ZNF578: variants seen among roughly 807,000 people sequenced by gnomAD.
ZNF578 encodes the protein Putative chemokine-related protein B42.
In ZNF578, 8 loss-of-function variants were observed where a neutral mutation model predicts 8.3. That is an observed-to-expected ratio of 0.96 (90% CI 0.56 to 1.74). The LOEUF (loss-of-function observed/expected upper bound fraction) is 1.74. Ranked by LOEUF, ZNF578 falls within the 40% of genes most tolerant of loss-of-function variation. The pLI, the probability that ZNF578 is intolerant of heterozygous loss-of-function variation, is 0.00. For synonymous variants in ZNF578, 206 were observed against 232.2 expected, an observed-to-expected ratio of 0.89 and a Z score of 1.03; for missense variants, 726 against 707.5, an observed-to-expected ratio of 1.03 and a Z score of -0.30.
chr19:52,512,911 G>T lies in ZNF578; in HGVS notation c.*757G>T, dbSNP rs2059455066. On this transcript the variant is annotated 3_prime_UTR_variant, in exon 6 of 6. Coordinates refer to ENST00000421239, the MANE Select transcript of ZNF578 (RefSeq NM_001099694.2). ...ATAAGAGGATTGGGCCAGGTGCAGTGGATCACGCCTGTAATCCCAGCACAT... is the reference window on the plus strand; with the variant it reads ...ATAAGAGGATTGGGCCAGGTGCAGTTGATCACGCCTGTAATCCCAGCACAT... Among the ~76,000 whole-genome samples the T allele has an allele frequency of 6.6e-6, 1 of 152,200 alleles. No homozygotes were observed. Among genetic ancestry groups the T allele is most frequent in the South Asian group, 2.1e-4 (1 of 4,834 alleles).
intron 2 of ZNF578, chr19:52,458,288 C>T (rs2059245463): frequency 6.6e-6 from 1 of 152,162 alleles, no homozygotes; most frequent in Admixed American, 6.6e-5. Context: ...TCTTGTGAAA[C>T]AGATGTTTCA....
intron 5 of ZNF578, among the ~76,000 whole-genome samples, chr19:52,509,727 A>G (rs2059437757): frequency 6.6e-6 from 1 of 152,108 alleles, no homozygotes; most frequent in African/African-American, 2.4e-5. Flanking sequence ...AGATGGCACC[A>G]TGGCACTTCA....
chr19:52,497,596 G>A (rs554096841), intron 3 of ZNF578, among the ~76,000 whole-genome samples: 1 of 152,118 alleles, frequency 6.6e-6, no homozygotes, highest in African/African-American at 2.4e-5. Context: ...TATATTTTTT[G>A]AACATTTTAA....
intron 5 of ZNF578, among the ~76,000 whole-genome samples, chr19:52,505,114 C>A (rs389503): frequency 0.62 from 94,073 of 152,002 alleles, 29,703 homozygotes; most frequent in African/African-American, 0.74. Context: ...CTCTAACTCC[C>A]GACCTCAGGT....
chr19:52,461,620 G>T (rs1199574063), intron 2 of ZNF578, among the ~76,000 whole-genome samples: 2 of 152,086 alleles, frequency 1.3e-5, no homozygotes, highest in Admixed American at 6.5e-5. Flanking sequence ...AATCAATACG[G>T]GTGAAAAGGC....
rs377107128 is a variant in ZNF578 at position 52,503,699 on chromosome 19, C to T, written c.64-956C>T. 7.2e-5 allele frequency among the ~76,000 whole-genome samples: 11 copies of T among 152,044 alleles called. No homozygotes were observed. The East Asian group carries it at 1.7e-3, about 24-fold the overall frequency. ...TTTGAAAGCCATTTGACTTTGTCCT[C>T]TCTGAAACACCACTTGTATCTTAGC... is the stretch of plus-strand genomic sequence containing the variant. On this transcript the variant is annotated intron_variant, in intron 4 of 5. Coordinates refer to ENST00000421239, the MANE Select transcript of ZNF578 (RefSeq NM_001099694.2).
In ZNF578 at chr19:52,511,278, G is replaced by A. The variant is rs559103189; in HGVS notation, c.897G>A (p.Lys299=). The part of the protein sequence containing the change: ...CNECGKSFSY[K]SSLTCHRRCH... ...AATGTGGAAAGTCCTTCAGTTACAA[G>A]TCATCCCTGACATGCCATCGTAGAT... The change falls in exon 6 of 6, where the codon AAG becomes AAA. Residue 299 remains lysine (K), a synonymous_variant. Transcript: ENST00000421239. 1.1e-5 allele frequency: 18 copies of A among 1,614,088 alleles called. No individual in the cohort carries two copies. In the South Asian group the frequency reaches 1.9e-4, roughly 17 times the overall value.
intron 2 of ZNF578, among the ~76,000 whole-genome samples, chr19:52,467,081 G>GCAA (rs2059277582): frequency 6.6e-6 from 1 of 151,460 alleles, no homozygotes; most frequent in South Asian, 2.1e-4. Flanking sequence ...AACAGTTTTG[G>GCAA]CTCACTGCAA....
At chr19:52,478,796 C>A (rs2059315963) in intron 2 of ZNF578, among the ~76,000 whole-genome samples, 1 of 152,156 alleles carries the variant, frequency 6.6e-6, no homozygotes, top group Middle Eastern at 3.4e-3. Context: ...TCACTGCAAC[C>A]TCTGCCTCCC....
chr19:52,467,955 A>G (rs1373986677), intron 2 of ZNF578, among the ~76,000 whole-genome samples: 2 of 152,160 alleles, frequency 1.3e-5, no homozygotes, highest in Admixed American at 6.5e-5. Flanking sequence ...TCATATTTAC[A>G]ATAAACCTAG....
rs555242656 is a variant in ZNF578, at chr19:52,470,135, C to A, written c.-122+13177C>A. ...GGCAACATCTTCTTCCCCACCAAGG[C>A]TGCTTTCAGCCTTTGTACCTTTTTT... On this transcript the variant is annotated intron_variant, in intron 2 of 5. Transcript: ENST00000421239. 1.6e-4 allele frequency among the ~76,000 whole-genome samples: 24 copies of A among 152,310 alleles called. No individual in the cohort carries two copies. In the South Asian group the frequency reaches 3.5e-3, roughly 22 times the overall value.
chr19:52,503,884 G>A (rs2059416169), intron 4 of ZNF578, among the ~76,000 whole-genome samples: 2 of 144,048 alleles, frequency 1.4e-5, no homozygotes, highest in Non-Finnish European at 3.0e-5. Context: ...TGCAACCTCC[G>A]CCTCCCGGAT....
chr19:52,472,149 G>C (rs896718439), intron 2 of ZNF578, among the ~76,000 whole-genome samples: 3 of 152,160 alleles, frequency 2.0e-5, no homozygotes, highest in Non-Finnish European at 4.4e-5. Flanking sequence ...CCAGCACTTT[G>C]GGAGGCTAAG....
chr19:52,486,261 T>TC (rs1354513604), intron 2 of ZNF578, among the ~76,000 whole-genome samples: 11 of 152,086 alleles, frequency 7.2e-5, no homozygotes, highest in Non-Finnish European at 1.3e-4. Context: ...CTGCTGACCC[T>TC]TCCCCACTAT....
chr19:52,493,591 C>G (rs1487179150), intron 3 of ZNF578, among the ~76,000 whole-genome samples: 1 of 151,800 alleles, frequency 6.6e-6, no homozygotes, highest in Non-Finnish European at 1.5e-5. Context: ...GGGGGTATAA[C>G]AGGGAAGAGA....
At chr19:52,455,387 T>C (rs1352998121) in intron 1 of ZNF578, 1 of 152,136 alleles carries the variant, frequency 6.6e-6, no homozygotes, top group Non-Finnish European at 1.5e-5. Flanking sequence ...TTAGTAGAGA[T>C]GGATTCTCCA....
In ZNF578 at chr19:52,512,678, A is replaced by G. The variant is rs2059453981; in HGVS notation, c.*524A>G. On this transcript the variant is annotated 3_prime_UTR_variant, in exon 6 of 6. Coordinates refer to ENST00000421239, the MANE Select transcript of ZNF578 (RefSeq NM_001099694.2). ...AGAATCCCTACTGGAGAGAAATCTT[A>G]CAAATGTCATCAGTGTGGCAAGGTC... Among the ~76,000 whole-genome samples, 1 of 152,238 alleles carries G rather than the reference A, an allele frequency of 6.6e-6. No homozygotes were observed. The highest frequency in any genetic ancestry group is 1.5e-5 in the Non-Finnish European group (1 of 68,036).
At chr19:52,498,329 GTTTTT>G (rs58765518) in intron 3 of ZNF578, among the ~76,000 whole-genome samples, 2 of 113,728 alleles carry the variant, frequency 1.8e-5, no homozygotes, top group Admixed American at 9.5e-5. Flanking sequence ...GCTAATGTGT[GTTTTT>G]TTTTTTTTTT....
At chr19:52,494,677 A>G (rs1002644873) in intron 3 of ZNF578, among the ~76,000 whole-genome samples, 34 of 152,206 alleles carry the variant, frequency 2.2e-4, no homozygotes, top group African/African-American at 8.0e-4. Context: ...AAATCTTGGT[A>G]TCAGAGGTTA....
Sources: gnomAD v4.1 joint callset for allele counts (sites outside exome capture counted in the v4.1 genomes callset) on GRCh38, gnomAD v4.1.1 for gene constraint, MANE v1.5 for transcripts, NCBI Gene and HGNC (gene_info 2026-07-23, HGNC 2026-07-21) for gene names.